Variants in IMMT observed in about 807,000 individuals in gnomAD.
IMMT encodes inner membrane mitochondrial protein, also known as MICOS complex subunit MIC60.
Under a neutral mutation model 92.7 loss-of-function variants are expected in IMMT, and 40 were observed. The observed-to-expected ratio is 0.43, with a 90% CI of 0.34 to 0.56. The LOEUF is 0.56. Ranked by LOEUF, IMMT falls within the 20% of genes least tolerant of loss-of-function variation. The pLI, the probability that IMMT is intolerant of heterozygous loss-of-function variation, is 0.03. For missense variants in IMMT, 831 were observed against 912.1 expected, an observed-to-expected ratio of 0.91 and a Z score of 1.14; for synonymous variants, 322 against 336.1, an observed-to-expected ratio of 0.96 and a Z score of 0.46.
intron 1 of IMMT, among the ~76,000 whole-genome samples, chr2:86,189,285 AGT>A (rs908449385): frequency 1.3e-5 from 2 of 151,624 alleles, no homozygotes; most frequent in African/African-American, 4.9e-5. Flanking sequence ...CCCAGGCTGG[AGT>A]GCAATGGTGT....
chr2:86,177,450 A>G (rs1677504886), intron 3 of IMMT, among the ~76,000 whole-genome samples: 1 of 152,076 alleles, frequency 6.6e-6, no homozygotes, highest in Non-Finnish European at 1.5e-5. Context: ...TAAAAAATGC[A>G]AAAATTAGCT....
rs1443819299 is a variant in IMMT at position 86,146,255 on chromosome 2, CTG to C, written c.1534-60_1534-59del. The C allele has an allele frequency of 7.0e-5, 102 of 1,466,548 alleles. 1 individual carries two copies. The highest frequency in any genetic ancestry group is 8.7e-5 in the Non-Finnish European group (94 of 1,074,582). The allele number at this position is 1,466,548 out of a possible 1,614,324, so 90.8% of individuals were successfully genotyped here. On this transcript the variant is annotated intron_variant, in intron 13 of 14. Coordinates refer to ENST00000410111, the MANE Select transcript of IMMT (RefSeq NM_006839.3). The stretch of plus-strand genomic sequence containing the variant: ...GTGATACTCAATGCATGTCATGTAA[CTG>C]TGTAATCTTCCAGCAACTACTTGCT...
chr2:86,179,980 G>A (rs1672318655), intron 2 of IMMT, among the ~76,000 whole-genome samples: 1 of 152,062 alleles, frequency 6.6e-6, no homozygotes, highest in African/African-American at 2.4e-5. Context: ...AAGAGGCCGA[G>A]GTAGGAGGAA....
chr2:86,147,579 G>C (rs990686803), intron 13 of IMMT, 123 bp downstream of exon 13: 2 of 895,506 alleles, frequency 2.2e-6, no homozygotes, highest in Non-Finnish European at 3.3e-6. Context: ...AAAAGAAGCA[G>C]TTTTGTAGAC....
At chr2:86,146,264 C>T in intron 13 of IMMT, 67 bp from the exon 14 acceptor site, 1 of 1,371,590 alleles carries the variant, frequency 7.3e-7, no homozygotes, top group Non-Finnish European at 1.0e-6. Flanking sequence ...ACTGTGTAAT[C>T]TTCCAGCAAC....
At chr2:86,167,493 T>G (rs1473920324) in intron 6 of IMMT, among the ~76,000 whole-genome samples, 6 of 142,434 alleles carry the variant, frequency 4.2e-5, no homozygotes, top group South Asian at 2.2e-4. Flanking sequence ...TGTTTTTTTT[T>G]TTTTTTTTGG....
At chr2:86,147,162 A>G (rs1226924299) in intron 13 of IMMT, among the ~76,000 whole-genome samples, 1 of 152,250 alleles carries the variant, frequency 6.6e-6, no homozygotes, top group African/African-American at 2.4e-5. Flanking sequence ...GAGCTTATAC[A>G]TTAATTTTTC....
Position 86,195,405 on chromosome 2 carries a change from C to T in IMMT, c.-23G>A. On this transcript the variant is annotated 5_prime_UTR_variant, in exon 1 of 15. Coordinates refer to ENST00000410111, the MANE Select transcript of IMMT (RefSeq NM_006839.3). ...CATCTCGGTCAAGCGGACGGCGCTG[C>T]TGGTGGACTCGAGCTGCCGCGGCGG... The T allele has an allele frequency of 1.3e-6, 2 of 1,545,772 alleles. No homozygotes were observed. The highest frequency in any genetic ancestry group is 1.7e-6 in the Non-Finnish European group (2 of 1,144,780).
intron 10 of IMMT, chr2:86,158,275 G>A (rs567102696): frequency 7.0e-5 from 13 of 185,468 alleles, no homozygotes; most frequent in East Asian, 2.5e-4. Flanking sequence ...TTTCAGTAGT[G>A]TCAAGGTTAT....
intron 14 of IMMT, 135 bp downstream of exon 14, chr2:86,145,933 A>G: frequency 1.6e-6 from 1 of 632,326 alleles, no homozygotes; most frequent in Non-Finnish European, 2.4e-6. Context: ...TTAATGGCAA[A>G]AACTGCAATT....
At chr2:86,182,875 C>A (rs67459019) in intron 1 of IMMT, among the ~76,000 whole-genome samples, 68,938 of 150,336 alleles carry the variant, frequency 0.46, 16,272 homozygotes, top group Non-Finnish European at 0.51. Flanking sequence ...AAAAAAAAAA[C>A]AAAAACAAAA....
intron 7 of IMMT, among the ~76,000 whole-genome samples, chr2:86,164,609 T>A (rs1676533959): frequency 6.9e-6 from 1 of 144,282 alleles, no homozygotes; most frequent in Non-Finnish European, 1.5e-5. Flanking sequence ...GAGAATTGCT[T>A]GAACCTGGGA....
intron 1 of IMMT, among the ~76,000 whole-genome samples, chr2:86,192,053 C>T (rs1386791939): frequency 6.6e-6 from 1 of 151,874 alleles, no homozygotes; most frequent in Non-Finnish European, 1.5e-5. Flanking sequence ...AACAACATTG[C>T]GAGATCCCAT....
intron 6 of IMMT, among the ~76,000 whole-genome samples, chr2:86,169,643 GT>G (rs1676951724): frequency 6.6e-6 from 1 of 151,938 alleles, no homozygotes; most frequent in Admixed American, 6.6e-5. Context: ...AAAAAATTAT[GT>G]TACATGTGCT....
intron 4 of IMMT, among the ~76,000 whole-genome samples, chr2:86,171,959 ATTTTT>A (rs869190735): frequency 2.5e-5 from 1 of 40,156 alleles, no homozygotes; most frequent in East Asian, 4.2e-4. Context: ...TGTGTAGTAT[ATTTTT>A]TTTTTTTTTT....
chr2:86,144,814 C>T lies in IMMT; in HGVS notation c.1731G>A (p.Lys577=), dbSNP rs376442941. The change falls in exon 15 of 15, where the codon AAG becomes AAA. Residue 577 remains lysine (K), a synonymous_variant. Transcript: ENST00000410111. The stretch of plus-strand genomic sequence containing the variant: ...CTGCAGATGAGGTCTTCATGCTGTA[C>T]TTTAATGCCTCCACTGAAAGCCAGA... ...HQLWLSVEAL[K]YSMKTSSAET... 6 of 1,612,130 alleles carry T rather than the reference C, an allele frequency of 3.7e-6. No homozygotes were observed. Among genetic ancestry groups the T allele is most frequent in the East Asian group, 2.2e-5 (1 of 44,890 alleles).
chr2:86,167,172 C>CTTTTT (rs1163472844), intron 6 of IMMT, among the ~76,000 whole-genome samples: 1 of 126,006 alleles, frequency 7.9e-6, no homozygotes, highest in Non-Finnish European at 1.7e-5. Context: ...TATTACACTT[C>CTTTTT]TTTTTTTTTT....
At chr2:86,188,552 A>C (rs1672933672) in intron 1 of IMMT, among the ~76,000 whole-genome samples, 1 of 151,898 alleles carries the variant, frequency 6.6e-6, no homozygotes, top group South Asian at 2.1e-4. Context: ...CAGCCTACCG[A>C]GTAGCTAACA....
intron 1 of IMMT, among the ~76,000 whole-genome samples, chr2:86,193,431 G>A (rs997434994): frequency 6.6e-6 from 1 of 151,654 alleles, no homozygotes; most frequent in African/African-American, 2.4e-5. Context: ...GAAAGATGGG[G>A]TTTAATAAAG....
Sources: allele counts gnomAD v4.1 joint callset (sites outside exome capture counted in the v4.1 genomes callset), GRCh38; gene constraint gnomAD v4.1.1; transcripts MANE v1.5; gene names NCBI Gene and HGNC (gene_info 2026-07-23, HGNC 2026-07-21).